B3GALT1: variants seen among roughly 807,000 people sequenced by gnomAD.
The protein encoded by B3GALT1 is UDP-Gal:betaGlcNAc beta 1,3-galactosyltransferase, polypeptide 1.
In B3GALT1, 10 loss-of-function variants were observed where a neutral mutation model predicts 23.2. The ratio of observed to expected loss-of-function variants is 0.43; its 90% CI spans 0.27 to 0.73. The LOEUF is 0.73. Ranked by LOEUF, B3GALT1 falls within the 30% of genes least tolerant of loss-of-function variation. The pLI, the probability that B3GALT1 is intolerant of heterozygous loss-of-function variation, is 0.21. For missense variants in B3GALT1, 299 were observed against 405.4 expected (o/e 0.74, Z 2.25); for synonymous variants, 156 against 141.5 (o/e 1.10, Z -0.73).
Position 167,349,432 on chromosome 2 carries a change from C to T in B3GALT1, c.-511+56098C>T, listed in dbSNP as rs139393178. Among the ~76,000 whole-genome samples the T allele has an allele frequency of 2.5e-3, 387 of 152,054 alleles. 1 individual carries two copies. Among genetic ancestry groups the T allele is most frequent in the African/African-American group, 8.2e-3 (342 of 41,464 alleles). ...TGCAAGAATAGTGATGCTGGCAATT[C>T]GGATATGCCAAAAGAGGCCGTAAAG... On this transcript the variant is annotated intron_variant, in intron 1 of 4. Transcript: ENST00000392690.
At chr2:167,756,938 A>T (rs905146194) in intron 3 of B3GALT1, among the ~76,000 whole-genome samples, 1 of 152,128 alleles carries the variant, frequency 6.6e-6, no homozygotes, top group Non-Finnish European at 1.5e-5. Flanking sequence ...AGGTGGTGGG[A>T]TGGAGCAATA....
chr2:167,739,475 A>T (rs1687543518), intron 3 of B3GALT1, among the ~76,000 whole-genome samples: 1 of 152,186 alleles, frequency 6.6e-6, no homozygotes, highest in South Asian at 2.1e-4. Context: ...TGGAAGGACC[A>T]TGGTCCAAAT....
chr2:167,733,953 G>A (rs1687451986), intron 3 of B3GALT1, among the ~76,000 whole-genome samples: 1 of 151,984 alleles, frequency 6.6e-6, no homozygotes, highest in Admixed American at 6.6e-5. Flanking sequence ...GCCATTTCCT[G>A]GTTTAATCTA....
At position 167,768,604 on chromosome 2, in the gene B3GALT1, A is replaced by G. The variant is rs182926465; in HGVS notation, c.-351-50068A>G. On this transcript the variant is annotated intron_variant, in intron 3 of 4. Coordinates refer to ENST00000392690, the MANE Select transcript of B3GALT1 (RefSeq NM_020981.4). Reference sequence around the variant, plus strand: ...TATTTATTCTCAAAGATATCAGAACATAAATTAAAATGTCAGATACTCAAA... The same window carrying G: ...TATTTATTCTCAAAGATATCAGAACGTAAATTAAAATGTCAGATACTCAAA... Among the ~76,000 whole-genome samples the G allele has an allele frequency of 1.3e-3, 193 of 152,352 alleles. 1 individual carries two copies. In the Middle Eastern group the frequency reaches 0.017, roughly 13 times the overall value.
At chr2:167,404,086 G>T (rs1275227674) in intron 1 of B3GALT1, among the ~76,000 whole-genome samples, 1 of 152,008 alleles carries the variant, frequency 6.6e-6, no homozygotes, top group African/African-American at 2.4e-5. Flanking sequence ...CATCTGCTTG[G>T]TTTTTGGTAA....
At chr2:167,684,313 C>T (rs972887348) in intron 3 of B3GALT1, among the ~76,000 whole-genome samples, 3 of 152,132 alleles carry the variant, frequency 2.0e-5, no homozygotes, top group African/African-American at 7.2e-5. Flanking sequence ...TACAAATTAC[C>T]TAAATTTTTC....
intron 1 of B3GALT1, among the ~76,000 whole-genome samples, chr2:167,331,774 T>G (rs1488656952): frequency 6.6e-6 from 1 of 152,050 alleles, no homozygotes; most frequent in Non-Finnish European, 1.5e-5. Context: ...AGGCCACTGG[T>G]AGGGTGCTCA....
At chr2:167,843,041 T>G (rs1382202850) in intron 4 of B3GALT1, among the ~76,000 whole-genome samples, 1 of 152,182 alleles carries the variant, frequency 6.6e-6, no homozygotes, top group African/African-American at 2.4e-5. Flanking sequence ...TGGCAGGATT[T>G]GAACCCAGGA....
chr2:167,671,363 A>G (rs1686322920), intron 3 of B3GALT1, among the ~76,000 whole-genome samples: 2 of 152,178 alleles, frequency 1.3e-5, no homozygotes, highest in Non-Finnish European at 2.9e-5. Context: ...AATACAAATT[A>G]TTGTCAAGTG....
intron 3 of B3GALT1, chr2:167,714,108 AC>A: frequency 6.5e-7 from 1 of 1,529,454 alleles, no homozygotes; most frequent in Non-Finnish European, 9.1e-7. Context: ...GAAGGCATTG[AC>A]CCATCCATTT....
chr2:167,447,575 C>T (rs1344051068), intron 1 of B3GALT1, among the ~76,000 whole-genome samples: 2 of 152,144 alleles, frequency 1.3e-5, no homozygotes, highest in Non-Finnish European at 2.9e-5. Context: ...GCACCCCTCC[C>T]CCAGCCTCTC....
intron 1 of B3GALT1, among the ~76,000 whole-genome samples, chr2:167,422,384 A>C (rs1181903093): frequency 6.6e-6 from 1 of 152,076 alleles, no homozygotes; most frequent in Non-Finnish European, 1.5e-5. Flanking sequence ...ATGAGCAATA[A>C]ATTTCTGTTG....
chr2:167,442,375 G>T (rs1294295192), intron 1 of B3GALT1, among the ~76,000 whole-genome samples: 1 of 152,060 alleles, frequency 6.6e-6, no homozygotes, highest in Non-Finnish European at 1.5e-5. Flanking sequence ...ATGATTTATA[G>T]TCCTTTGGGT....
Position 167,755,284 on chromosome 2 carries a change from A to AGAG in B3GALT1, c.-351-63381_-351-63379dup, listed in dbSNP as rs549754315. ...CGATGCCCTGATGAAGCACTGAAGG[A>AGAG]GAGGAGGAGAGAAAGAACTTTTTCT... On this transcript the variant is annotated intron_variant, in intron 3 of 4. Coordinates refer to ENST00000392690, the MANE Select transcript of B3GALT1 (RefSeq NM_020981.4). Among the ~76,000 whole-genome samples the AGAG allele has an allele frequency of 2.2e-4, 34 of 152,126 alleles. No individual in the cohort carries two copies. The South Asian group carries it at 7.1e-3, about 32-fold the overall frequency.
At chr2:167,530,760 C>G (rs1390598562) in intron 2 of B3GALT1, among the ~76,000 whole-genome samples, 2 of 152,104 alleles carry the variant, frequency 1.3e-5, no homozygotes, top group East Asian at 1.9e-4. Flanking sequence ...TGATGGGAAA[C>G]CTTTTCCAAT....
chr2:167,868,819 G>A lies in B3GALT1; in HGVS notation c.-221G>A. 2.0e-6 allele frequency: 1 copy of A among 501,618 alleles called. No homozygotes were observed. Among genetic ancestry groups the A allele is most frequent in the Non-Finnish European group, 3.5e-6 (1 of 287,796 alleles). 31.1% of individuals were successfully genotyped at this position (501,618 alleles called of 1,614,324 possible). A position where few individuals can be genotyped will look rare whatever the true frequency, so the allele number is the denominator to read the frequency against. ...CTTTATTGATTTTGCAGAGTTAAGA[G>A]GAAGATTTATGAGTCATGGAACCCT... is the stretch of plus-strand genomic sequence containing the variant. On this transcript the variant is annotated 5_prime_UTR_variant, in exon 5 of 5. Coordinates refer to ENST00000392690, the MANE Select transcript of B3GALT1 (RefSeq NM_020981.4).
intron 1 of B3GALT1, among the ~76,000 whole-genome samples, chr2:167,382,370 T>A (rs1697857839): frequency 6.6e-6 from 1 of 152,150 alleles, no homozygotes. Flanking sequence ...ACTTTTTCAT[T>A]AGTTTTTTCT....
intron 3 of B3GALT1, among the ~76,000 whole-genome samples, chr2:167,744,824 G>A (rs993312974): frequency 7.9e-5 from 12 of 151,988 alleles, no homozygotes; most frequent in African/African-American, 2.4e-4. Context: ...TCCTGACCTC[G>A]TGATCCGCCT....
At chr2:167,712,436 C>G (rs1393060936) in intron 3 of B3GALT1, among the ~76,000 whole-genome samples, 1 of 151,286 alleles carries the variant, frequency 6.6e-6, no homozygotes, top group Non-Finnish European at 1.5e-5. Context: ...CTCACACTCA[C>G]AGCATCTAGC....
Sources: gnomAD v4.1 joint callset for allele counts (sites outside exome capture counted in the v4.1 genomes callset) on GRCh38, gnomAD v4.1.1 for gene constraint, MANE v1.5 for transcripts, NCBI Gene and HGNC (gene_info 2026-07-23, HGNC 2026-07-21) for gene names.